ABCC11: variants seen among roughly 807,000 people sequenced by gnomAD.
ABCC11 encodes ATP binding cassette subfamily C member 11, also known as ATP-binding cassette sub-family C member 11.
ABCC11 carries 135 observed loss-of-function variants against 149.3 expected under a neutral mutation model. The ratio of observed to expected loss-of-function variants is 0.90; its 90% CI spans 0.79 to 1.04. The LOEUF (loss-of-function observed/expected upper bound fraction) is 1.04, where lower values mean the gene tolerates loss of function less well. Among genes scored for constraint, ABCC11 ranks in the 50% least tolerant of loss-of-function variants. The pLI is 0.00. For synonymous variants in ABCC11, 665 were observed against 671.4 expected, an observed-to-expected ratio of 0.99 and a Z score of 0.15; for missense variants, 1,680 against 1,722.1, an observed-to-expected ratio of 0.98 and a Z score of 0.43.
intron 11 of ABCC11, among the ~76,000 whole-genome samples, chr16:48,208,891 C>T (rs1208872386): frequency 6.6e-6 from 1 of 152,170 alleles, no homozygotes; most frequent in Non-Finnish European, 1.5e-5. Flanking sequence ...TGCATGCATT[C>T]ATTTATTGAA....
Position 48,193,627 on chromosome 16 carries a change from T to C in ABCC11, c.2508+252A>G, listed in dbSNP as rs572877324. Reference sequence around the variant, plus strand: ...TGGAATGCAAAGATTCTTGGGGCACTGTCTGGGGATATAAATCTCTTGGTT... The same window carrying C: ...TGGAATGCAAAGATTCTTGGGGCACCGTCTGGGGATATAAATCTCTTGGTT... On this transcript the variant is annotated intron_variant, in intron 19 of 29. Transcript: ENST00000356608. Among the ~76,000 whole-genome samples the C allele has an allele frequency of 1.8e-4, 27 of 152,326 alleles. No individual in the cohort carries two copies. The South Asian group carries it at 5.4e-3, about 30-fold the overall frequency.
rs558006304 is a variant in ABCC11 at position 48,193,449 on chromosome 16, T to G, written c.2508+430A>C. 3.3e-5 allele frequency among the ~76,000 whole-genome samples: 5 copies of G among 152,268 alleles called. No homozygotes were observed. In the East Asian group the frequency reaches 9.7e-4, roughly 29 times the overall value. ...GGTCCCCTTGGAAAAATGGAGACAGTGGAACCTTCCTCTGAATGTGGGTGG... is the reference window on the plus strand; with the variant it reads ...GGTCCCCTTGGAAAAATGGAGACAGGGGAACCTTCCTCTGAATGTGGGTGG... On this transcript the variant is annotated intron_variant, in intron 19 of 29. Transcript: ENST00000356608.
rs148542515 is a variant in ABCC11 at position 48,169,138 on chromosome 16, T to C, written c.3891+967A>G. Among the ~76,000 whole-genome samples the C allele has an allele frequency of 3.2e-3, 490 of 152,346 alleles. 4 individuals carry two copies. The highest frequency in any genetic ancestry group is 0.011 in the African/African-American group (463 of 41,582). ...CCAGTTCTAATAAAGATAAAAGGGA[T>C]GTACTGCATCCAAGTTTTTAAAACA... is the stretch of plus-strand genomic sequence containing the variant. On this transcript the variant is annotated intron_variant, in intron 28 of 29. Coordinates refer to ENST00000356608, the MANE Select transcript of ABCC11 (RefSeq NM_001370497.1).
At position 48,198,059 on chromosome 16, in the gene ABCC11, C is replaced by A. The variant is rs140866427; in HGVS notation, c.2226G>T (p.Leu742Phe). The stretch of plus-strand genomic sequence containing the variant: ...TCTCTGCTATCTTTGCTGTGTCCTG[C>A]AACATGTCCTGGGGAGAGAGCACAG... ...KMHKEATSDM[L>F]QDTAKIAEKP... Residue 742 changes from leucine to phenylalanine, a missense_variant, in exon 17 of 30, where the codon TTG becomes TTT. Leu to Phe is a conservative substitution (Grantham distance 22). Coordinates refer to ENST00000356608, the MANE Select transcript of ABCC11 (RefSeq NM_001370497.1). The A allele has an allele frequency of 5.5e-5, 89 of 1,614,108 alleles. No homozygotes were observed. In the African/African-American group the frequency reaches 1.2e-3, roughly 22 times the overall value.
chr16:48,175,481 G>A (rs895093802), intron 25 of ABCC11, 64 bp from the exon 26 acceptor site: 19 of 1,533,584 alleles, frequency 1.2e-5, no homozygotes, highest in South Asian at 8.6e-5. Flanking sequence ...AGCACAGATC[G>A]CACCTGGCGA....
chr16:48,169,997 C>T, intron 28 of ABCC11, 108 bp downstream of exon 28: 1 of 747,446 alleles, frequency 1.3e-6, no homozygotes, highest in Non-Finnish European at 2.3e-6. Flanking sequence ...AGACGTACAC[C>T]ACAGAGCCCA....
At chr16:48,235,966 C>T (rs1970666878) in intron 1 of ABCC11, among the ~76,000 whole-genome samples, 1 of 152,132 alleles carries the variant, frequency 6.6e-6, no homozygotes. Flanking sequence ...TGTTCTTATG[C>T]AGCAGGGTCT....
chr16:48,245,796 A>C (rs1971343032), intron 1 of ABCC11, among the ~76,000 whole-genome samples: 1 of 152,098 alleles, frequency 6.6e-6, no homozygotes, highest in African/African-American at 2.4e-5. Flanking sequence ...TGGCCACTAA[A>C]ATTTTATATG....
At chr16:48,224,451 C>T (rs1356909628) in intron 4 of ABCC11, 22 bp from the exon 5 acceptor site, 1 of 1,609,984 alleles carries the variant, frequency 6.2e-7, no homozygotes. Context: ...GATAATGGAA[C>T]TGGTGGAATC....
In ABCC11 at chr16:48,170,985, G is replaced by C; in HGVS notation, c.3699-18C>G. On this transcript the variant is annotated intron_variant, in intron 26 of 29. Transcript: ENST00000356608. ...GGTTGAATCTACCATATGAGAGAAA[G>C]AGAAGTGTTCAACAACATCACCCAG... 2 of 1,590,970 alleles carry C rather than the reference G, an allele frequency of 1.3e-6. No homozygotes were observed. Among genetic ancestry groups the C allele is most frequent in the East Asian group, 4.5e-5 (2 of 44,748 alleles).
Position 48,185,674 on chromosome 16 carries a change from A to G in ABCC11, c.3072-1048T>C, listed in dbSNP as rs143460305. Among the ~76,000 whole-genome samples the G allele has an allele frequency of 2.3e-3, 347 of 152,198 alleles. 2 individuals are homozygous for G. The highest frequency in any genetic ancestry group is 2.4e-3 in the Non-Finnish European group (166 of 68,016). ...CATCTTACCATCTGAGTGGGCTATC[A>G]CCCCAGCAGAGTGGCCCTTCTGACT... is the stretch of plus-strand genomic sequence containing the variant. On this transcript the variant is annotated intron_variant, in intron 22 of 29. Coordinates refer to ENST00000356608, the MANE Select transcript of ABCC11 (RefSeq NM_001370497.1).
At chr16:48,185,876 C>T (rs1273661904) in intron 22 of ABCC11, among the ~76,000 whole-genome samples, 1 of 152,180 alleles carries the variant, frequency 6.6e-6, no homozygotes, top group Non-Finnish European at 1.5e-5. Flanking sequence ...AAACCTACTT[C>T]CCCCATCTCA....
chr16:48,231,866 C>T lies in ABCC11; in HGVS notation c.56G>A (p.Arg19His), dbSNP rs16945988. ...VPNSSGGLVN[R>H]GIDIGDDMVS... ...CATGTCATCGCCTATGTCGATGCCA[C>T]GATTCACGAGGCCACCAGAAGAGTT... is the stretch of plus-strand genomic sequence containing the variant. The change falls in exon 2 of 30, where the codon CGT becomes CAT. Residue 19 changes from arginine to histidine, a missense_variant. By Grantham distance (29) the Arg-to-His change is conservative. Transcript: ENST00000356608. The T allele has an allele frequency of 0.093, 150,806 of 1,613,724 alleles. 8,235 individuals carry two copies. The highest frequency in any genetic ancestry group is 0.24 in the African/African-American group (17,658 of 74,942).
intron 13 of ABCC11, 138 bp from the exon 14 acceptor site, chr16:48,203,438 G>T: frequency 1.6e-6 from 1 of 625,044 alleles, no homozygotes; most frequent in South Asian, 2.5e-5. Flanking sequence ...AACACTGAAG[G>T]CTTTTTTCAT....
chr16:48,171,020 A>G, intron 26 of ABCC11, 53 bp from the exon 27 acceptor site: 1 of 1,437,550 alleles, frequency 7.0e-7, no homozygotes, highest in South Asian at 1.1e-5. Context: ...GGCTTTGAAC[A>G]CTCATTTATA....
intron 12 of ABCC11, among the ~76,000 whole-genome samples, chr16:48,207,263 G>A (rs1681949147): frequency 2.0e-5 from 3 of 152,186 alleles, no homozygotes. Context: ...ACGCTTGAGG[G>A]AATGTGACCA....
rs1301317984 is a variant in ABCC11 at position 48,189,016 on chromosome 16, A to G, written c.2707-1589T>C. On this transcript the variant is annotated intron_variant, in intron 20 of 29. Transcript: ENST00000356608. ...ATACTGCTGACCAAGCGTAGCTCTC[A>G]TGTATGTTTGCTTTCTAGCTGGTGG... Among the ~76,000 whole-genome samples, 3 of 152,236 alleles carry G rather than the reference A, an allele frequency of 2.0e-5. No homozygotes were observed. In the East Asian group the frequency reaches 5.8e-4, roughly 29 times the overall value.
rs781697424 is a variant in ABCC11, at chr16:48,208,503, G to A, written c.1609-7C>T. 6.2e-7 allele frequency: 1 copy of A among 1,614,110 alleles called. No individual in the cohort carries two copies. The highest frequency in any genetic ancestry group is 1.1e-5 in the South Asian group (1 of 91,076). ...AGACCCCTAACATCATCCCCTGCAA[G>A]CCAAGGAGGACATACAAGTGTTGGG... On this transcript the variant is annotated splice_polypyrimidine_tract_variant and splice_region_variant and intron_variant, in intron 11 of 29. Coordinates refer to ENST00000356608, the MANE Select transcript of ABCC11 (RefSeq NM_001370497.1).
intron 9 of ABCC11, 25 bp downstream of exon 9, chr16:48,214,856 A>G (rs1273665290): frequency 1.2e-6 from 2 of 1,613,136 alleles, no homozygotes; most frequent in South Asian, 2.2e-5. Flanking sequence ...TGATGGGGAG[A>G]AAACAAAGCC....
Sources: allele counts gnomAD v4.1 joint callset (sites outside exome capture counted in the v4.1 genomes callset), GRCh38; gene constraint gnomAD v4.1.1; transcripts MANE v1.5; gene names NCBI Gene and HGNC (gene_info 2026-07-23, HGNC 2026-07-21).